Variants in UNC13C observed in about 807,000 individuals in gnomAD.
UNC13C encodes the protein protein unc-13 homolog C.
UNC13C carries 174 observed loss-of-function variants against 245.4 expected under a neutral mutation model. The observed-to-expected ratio is 0.71, with a 90% confidence interval of 0.63 to 0.80. The LOEUF (loss-of-function observed/expected upper bound fraction) is 0.80, where lower values mean the gene tolerates loss of function less well. Ranked by LOEUF, UNC13C falls within the 30% of genes least tolerant of loss-of-function variation. The pLI is 0.00. For missense variants in UNC13C, 2,829 were observed against 2,602.9 expected, an observed-to-expected ratio of 1.09 and a Z score of -1.89; for synonymous variants, 992 against 895.1, an observed-to-expected ratio of 1.11 and a Z score of -1.93.
At chr15:54,341,090 C>T (rs575020112) in intron 17 of UNC13C, among the ~76,000 whole-genome samples, 1 of 152,168 alleles carries the variant, frequency 6.6e-6, no homozygotes, top group South Asian at 2.1e-4. Context: ...TTTGACCTAG[C>T]AATCCCATTA....
At chr15:54,278,649 AT>A (rs911595549) in intron 10 of UNC13C, among the ~76,000 whole-genome samples, 9 of 152,060 alleles carry the variant, frequency 5.9e-5, no homozygotes, top group African/African-American at 1.9e-4. Context: ...TGCACTAGTT[AT>A]TTTTTTTAAA....
At chr15:54,185,755 A>C (rs28812170) in intron 4 of UNC13C, among the ~76,000 whole-genome samples, 12,348 of 145,760 alleles carry the variant, frequency 0.085, 923 homozygotes, top group African/African-American at 0.2. Flanking sequence ...GCAATGCGGG[A>C]TCTTTTTGGT....
chr15:53,969,568 C>A, the UNC13C span, among the ~76,000 whole-genome samples: 4 of 151,628 alleles, frequency 2.6e-5, no homozygotes, highest in Admixed American at 2.0e-4. Context: ...CACCTGTAGT[C>A]CCAGCTATTC....
intron 10 of UNC13C, 104 bp downstream of exon 10, chr15:54,265,600 C>T: frequency 1.1e-6 from 1 of 901,950 alleles, no homozygotes; most frequent in Non-Finnish European, 1.5e-6. Flanking sequence ...TTAATAATCT[C>T]TTACCCAAAA....
In UNC13C at chr15:54,034,870, C is replaced by T. The variant is rs1021736719; in HGVS notation, c.2983+18984C>T. 2.3e-4 allele frequency among the ~76,000 whole-genome samples: 35 copies of T among 152,168 alleles called. 1 individual carries two copies. Among genetic ancestry groups the T allele is most frequent in the Admixed American group, 1.4e-3 (21 of 15,280 alleles). On this transcript the variant is annotated intron_variant, in intron 2 of 32. Coordinates refer to ENST00000260323, the MANE Select transcript of UNC13C (RefSeq NM_001080534.3). ...AAAAGATTTTAAACCTGGGAGACTACTCTGAAGTAAGAGAACCGACGTAGA... is the reference window on the plus strand; with the variant it reads ...AAAAGATTTTAAACCTGGGAGACTATTCTGAAGTAAGAGAACCGACGTAGA...
chr15:54,355,541 A>G (rs2140852091), intron 17 of UNC13C, among the ~76,000 whole-genome samples: 1 of 152,170 alleles, frequency 6.6e-6, no homozygotes, highest in East Asian at 1.9e-4. Context: ...TATTTTTAGT[A>G]GAGACGGGGT....
At chr15:54,147,789 C>CGTGCGTGTGTGTGTGT (rs1555423229) in intron 4 of UNC13C, among the ~76,000 whole-genome samples, 1 of 147,476 alleles carries the variant, frequency 6.8e-6, no homozygotes, top group Non-Finnish European at 1.5e-5. Context: ...AAGGTGTGTG[C>CGTGCGTGTGTGTGTGT]GTGTGTGTGT....
intron 25 of UNC13C, among the ~76,000 whole-genome samples, chr15:54,528,994 C>T (rs563631390): frequency 3.1e-4 from 47 of 151,278 alleles, no homozygotes; most frequent in African/African-American, 9.4e-4. Flanking sequence ...GTGAAATAAT[C>T]AAGGATTTAG....
the UNC13C span, among the ~76,000 whole-genome samples, chr15:53,874,711 T>A: frequency 1.3e-5 from 2 of 152,224 alleles, no homozygotes; most frequent in African/African-American, 4.8e-5. Context: ...GTCTCTCACA[T>A]TCCTTTGAAA....
chr15:54,214,954 A>G (rs559664045), intron 4 of UNC13C, among the ~76,000 whole-genome samples: 10 of 151,990 alleles, frequency 6.6e-5, no homozygotes, highest in African/African-American at 2.2e-4. Context: ...TTTTTTTCAA[A>G]AAAATAGTGG....
chr15:54,560,258 C>A (rs995202201), intron 29 of UNC13C, among the ~76,000 whole-genome samples: 1 of 151,730 alleles, frequency 6.6e-6, no homozygotes, highest in African/African-American at 2.4e-5. Flanking sequence ...TTCTTATAAT[C>A]TTGTAAGGAA....
chr15:54,139,038 C>T (rs2031884139), intron 2 of UNC13C, among the ~76,000 whole-genome samples: 2 of 130,778 alleles, frequency 1.5e-5, no homozygotes, highest in South Asian at 5.3e-4. Flanking sequence ...CGACTCACTG[C>T]AACCTCCGCC....
intron 4 of UNC13C, among the ~76,000 whole-genome samples, chr15:54,185,006 C>A (rs111823688): frequency 0.18 from 27,910 of 152,084 alleles, 3,113 homozygotes; most frequent in Middle Eastern, 0.29. Flanking sequence ...ATTTGCATTT[C>A]TCTGATGGCC....
Position 54,014,848 on chromosome 15 carries a change from T to C in UNC13C, c.1945T>C (p.Ser649Pro). The C allele has an allele frequency of 6.2e-7, 1 of 1,613,892 alleles. No individual in the cohort carries two copies. Among genetic ancestry groups the C allele is most frequent in the Non-Finnish European group, 8.5e-7 (1 of 1,179,828 alleles). ...DRSHYSDSQL[S>P]LHEDLSPWKE... ...GAGTCATTACAGTGATTCTCAGCTC[T>C]CTTTACATGAGGATCTTTCTCCATG... is the stretch of plus-strand genomic sequence containing the variant. The change falls in exon 2 of 33, where the codon TCT (serine) becomes CCT (proline). Residue 649 changes from serine to proline, a missense_variant. Coordinates refer to ENST00000260323, the MANE Select transcript of UNC13C (RefSeq NM_001080534.3).
chr15:53,890,842 GT>G, the UNC13C span, among the ~76,000 whole-genome samples: 2 of 151,848 alleles, frequency 1.3e-5, no homozygotes, highest in African/African-American at 4.8e-5. Flanking sequence ...TTTTTGATGG[GT>G]TTTTTGTGTC....
intron 17 of UNC13C, among the ~76,000 whole-genome samples, chr15:54,383,287 A>G (rs1334700403): frequency 1.3e-5 from 2 of 152,184 alleles, no homozygotes; most frequent in Non-Finnish European, 2.9e-5. Context: ...AAAAATCCTT[A>G]TGAAATACTA....
At chr15:54,222,196 T>C (rs1369933794) in intron 4 of UNC13C, among the ~76,000 whole-genome samples, 1 of 151,896 alleles carries the variant, frequency 6.6e-6, no homozygotes, top group Non-Finnish European at 1.5e-5. Flanking sequence ...ATCCATTCTA[T>C]CCATTATATT....
At chr15:54,138,725 A>G (rs1595899593) in intron 2 of UNC13C, among the ~76,000 whole-genome samples, 1 of 151,982 alleles carries the variant, frequency 6.6e-6, no homozygotes, top group East Asian at 1.9e-4. Flanking sequence ...GGTTGCCATA[A>G]CATAATATCG....
chr15:54,469,189 TG>T (rs1263180416), intron 19 of UNC13C, among the ~76,000 whole-genome samples: 1 of 151,528 alleles, frequency 6.6e-6, no homozygotes. Flanking sequence ...TTTATGTTAT[TG>T]TAAATGGGAT....
Sources: gnomAD v4.1 joint callset for allele counts (sites outside exome capture counted in the v4.1 genomes callset) on GRCh38, gnomAD v4.1.1 for gene constraint, MANE v1.5 for transcripts, NCBI Gene and HGNC (gene_info 2026-07-23, HGNC 2026-07-21) for gene names.